Variants in EIF4G3 observed in about 807,000 individuals in gnomAD.
The protein encoded by EIF4G3 is eIF-4-gamma 3.
EIF4G3 carries 34 observed loss-of-function variants against 186.4 expected under a neutral mutation model. The observed-to-expected ratio is 0.18, with a 90% CI of 0.14 to 0.24. The LOEUF (loss-of-function observed/expected upper bound fraction) is 0.24, where lower values mean the gene tolerates loss of function less well. Among genes scored for constraint, EIF4G3 ranks in the 10% least tolerant of loss-of-function variants. The probability of loss-of-function intolerance (pLI) is 1.00; values close to 1 mark genes in which losing one functional copy is unlikely to be tolerated. For synonymous variants in EIF4G3, 673 were observed against 679.5 expected (o/e 0.99, Z 0.15); for missense variants, 1,536 against 1,948.5 (o/e 0.79, Z 3.99).
chr1:21,120,331 A>T (rs1373186806), intron 2 of EIF4G3, among the ~76,000 whole-genome samples: 1 of 151,988 alleles, frequency 6.6e-6, no homozygotes, highest in African/African-American at 2.4e-5. Context: ...ATAAACTAAC[A>T]ATAGCACTCC....
intron 12 of EIF4G3, among the ~76,000 whole-genome samples, chr1:20,962,929 T>G (rs1468309285): frequency 1.3e-5 from 2 of 151,208 alleles, no homozygotes; most frequent in African/African-American, 4.9e-5. Context: ...GTTTTTTTTT[T>G]TTTTGAGAGA....
intron 12 of EIF4G3, among the ~76,000 whole-genome samples, chr1:20,950,352 A>G (rs2096153321): frequency 6.6e-6 from 1 of 152,226 alleles, no homozygotes; most frequent in African/African-American, 2.4e-5. Flanking sequence ...TATTAACCAC[A>G]GCAAGAGAAG....
intron 30 of EIF4G3, among the ~76,000 whole-genome samples, chr1:20,839,757 G>A (rs1239466709): frequency 6.6e-6 from 1 of 152,056 alleles, no homozygotes; most frequent in Admixed American, 6.6e-5. Context: ...CCAAAGTGCT[G>A]GGATTACAGG....
chr1:20,990,661 T>G (rs1359864126), intron 7 of EIF4G3, among the ~76,000 whole-genome samples: 1 of 152,062 alleles, frequency 6.6e-6, no homozygotes, highest in African/African-American at 2.4e-5. Context: ...AGAGCAAGAC[T>G]CCATCTCAAA....
intron 20 of EIF4G3, among the ~76,000 whole-genome samples, chr1:20,866,518 T>C (rs929651914): frequency 9.9e-5 from 15 of 152,188 alleles, no homozygotes; most frequent in African/African-American, 3.4e-4. Context: ...AAATTTAGGC[T>C]ACATAAATGC....
intron 2 of EIF4G3, among the ~76,000 whole-genome samples, chr1:21,148,322 T>G (rs372570101): frequency 1.3e-5 from 2 of 152,126 alleles, no homozygotes; most frequent in Admixed American, 6.5e-5. Flanking sequence ...CTGCCTACCT[T>G]GGCCTCCCAA....
chr1:20,996,463 T>C (rs1361606822), intron 7 of EIF4G3, among the ~76,000 whole-genome samples: 1 of 152,220 alleles, frequency 6.6e-6, no homozygotes, highest in African/African-American at 2.4e-5. Flanking sequence ...AAAGTACCTT[T>C]AATAACTCAG....
chr1:21,135,917 C>T (rs551573738), intron 2 of EIF4G3, among the ~76,000 whole-genome samples: 2 of 152,344 alleles, frequency 1.3e-5, no homozygotes, highest in South Asian at 2.1e-4. Context: ...GGCGCGGTGG[C>T]TCACGCCTGT....
intron 23 of EIF4G3, among the ~76,000 whole-genome samples, 187 bp downstream of exon 23, chr1:20,862,041 C>T (rs1028671966): frequency 9.2e-5 from 14 of 152,044 alleles, no homozygotes; most frequent in African/African-American, 1.9e-4. Context: ...AGAAGAAGCA[C>T]GTAACTGGCA....
chr1:21,005,500 T>C (rs2084805576), intron 4 of EIF4G3, among the ~76,000 whole-genome samples: 1 of 152,200 alleles, frequency 6.6e-6, no homozygotes, highest in Admixed American at 6.5e-5. Context: ...TGTTCTCTCA[T>C]AGCTGTCGTA....
chr1:20,948,177 G>T (rs2096053993), intron 13 of EIF4G3, among the ~76,000 whole-genome samples: 1 of 152,102 alleles, frequency 6.6e-6, no homozygotes, highest in African/African-American at 2.4e-5. Context: ...GTGCAATGAA[G>T]TTTTGAAGGG....
chr1:20,861,335 CAG>C (rs2076270469), intron 23 of EIF4G3, among the ~76,000 whole-genome samples: 1 of 151,468 alleles, frequency 6.6e-6, no homozygotes, highest in Non-Finnish European at 1.5e-5. Context: ...AAACTTAAAA[CAG>C]AGAAAAGTAG....
intron 14 of EIF4G3, among the ~76,000 whole-genome samples, chr1:20,906,965 C>T (rs1282595126): frequency 6.6e-6 from 1 of 151,952 alleles, no homozygotes; most frequent in Non-Finnish European, 1.5e-5. Context: ...AGAAGGGAAG[C>T]AGTCAGGAAG....
chr1:20,837,025 T>C (rs1364765751), intron 30 of EIF4G3, among the ~76,000 whole-genome samples: 2 of 152,232 alleles, frequency 1.3e-5, no homozygotes, highest in Non-Finnish European at 2.9e-5. Flanking sequence ...GCAACTATTA[T>C]GCTCACAGTT....
intron 14 of EIF4G3, among the ~76,000 whole-genome samples, chr1:20,934,808 C>CAAAAGGAAAAAG (rs1573093534): frequency 1.3e-5 from 2 of 152,078 alleles, no homozygotes; most frequent in East Asian, 3.9e-4. Context: ...AGATTTTGTA[C>CAAAAGGAAAAAG]AGGGTAGCTC....
intron 34 of EIF4G3, among the ~76,000 whole-genome samples, chr1:20,814,599 C>A (rs1314332535): frequency 6.6e-6 from 1 of 152,174 alleles, no homozygotes; most frequent in Non-Finnish European, 1.5e-5. Flanking sequence ...CATGTGCCAA[C>A]ACTGCTTTTT....
At chr1:20,991,673 C>A (rs2081155856) in intron 7 of EIF4G3, among the ~76,000 whole-genome samples, 1 of 152,048 alleles carries the variant, frequency 6.6e-6, no homozygotes, top group South Asian at 2.1e-4. Context: ...GTGAAAAGCA[C>A]AAGTACAGAA....
At chr1:20,883,465 A>G (rs2154554606) in intron 19 of EIF4G3, among the ~76,000 whole-genome samples, 1 of 152,256 alleles carries the variant, frequency 6.6e-6, no homozygotes, top group African/African-American at 2.4e-5. Flanking sequence ...AAAAATATAA[A>G]AAGTTAGCCA....
chr1:21,133,545 C>A lies in EIF4G3; in HGVS notation c.-272+42630G>T, dbSNP rs533817528. 1.8e-4 allele frequency among the ~76,000 whole-genome samples: 28 copies of A among 152,262 alleles called. No homozygotes were observed. In the Middle Eastern group the frequency reaches 0.01, roughly 56 times the overall value. On this transcript the variant is annotated intron_variant, in intron 2 of 36. Coordinates refer to ENST00000602326, the MANE Select transcript of EIF4G3 (RefSeq NM_001391906.1). ...CAGCCTAAGCCTTCTTTCTTAATGA[C>A]TGTTGTCTATGCTATTGGTTTGGAG...
Sources: gnomAD v4.1 joint callset for allele counts (sites outside exome capture counted in the v4.1 genomes callset) on GRCh38, gnomAD v4.1.1 for gene constraint, MANE v1.5 for transcripts, NCBI Gene and HGNC (gene_info 2026-07-23, HGNC 2026-07-21) for gene names.